The following STIM2 variants were observed in gnomAD, a reference collection of about 807,000 sequenced individuals.
STIM2 encodes stromal interaction molecule 2.
In STIM2, 31 loss-of-function variants were observed where a neutral mutation model predicts 85.8. The observed-to-expected ratio is 0.36, with a 90% CI of 0.27 to 0.49. The LOEUF (loss-of-function observed/expected upper bound fraction) is 0.49, where lower values mean the gene tolerates loss of function less well. Among genes scored for constraint, STIM2 ranks in the 20% least tolerant of loss-of-function variants. STIM2 has a pLI of 0.98. For synonymous variants in STIM2, 356 were observed against 331.1 expected (o/e 1.08, Z -0.82); for missense variants, 841 against 927.6 (o/e 0.91, Z 1.21).
intron 1 of STIM2, among the ~76,000 whole-genome samples, chr4:26,919,014 C>T (rs1351728884): frequency 6.6e-6 from 1 of 152,028 alleles, no homozygotes; most frequent in Non-Finnish European, 1.5e-5. Flanking sequence ...ACAAAAGGGT[C>T]ATGTGACTAT....
chr4:26,947,867 A>G (rs969294719), intron 2 of STIM2, among the ~76,000 whole-genome samples: 4 of 152,232 alleles, frequency 2.6e-5, no homozygotes, highest in African/African-American at 4.8e-5. Context: ...CAAAAGCCTT[A>G]TAATCGTATG....
intron 1 of STIM2, among the ~76,000 whole-genome samples, chr4:26,894,884 C>T (rs1342632260): frequency 1.3e-5 from 2 of 152,172 alleles, no homozygotes; most frequent in Non-Finnish European, 2.9e-5. Flanking sequence ...AGTTGACATA[C>T]TTATAACATT....
rs936610329 is a variant in STIM2 at position 26,903,057 on chromosome 4, A to G, written c.152-16447A>G. Among the ~76,000 whole-genome samples the G allele has an allele frequency of 2.6e-5, 4 of 152,098 alleles. No individual in the cohort carries two copies. The East Asian group carries it at 7.7e-4, about 29-fold the overall frequency. ...TTTTCCTGCTCGGTGACATCTCTGT[A>G]TTATGGAGTCTGCATACTGTAGTGG... On this transcript the variant is annotated intron_variant, in intron 1 of 11. Coordinates refer to ENST00000467087, the MANE Select transcript of STIM2 (RefSeq NM_020860.4).
Position 26,982,845 on chromosome 4 carries a change from T to C in STIM2, c.398-12534T>C, listed in dbSNP as rs1252088690. 2.0e-5 allele frequency among the ~76,000 whole-genome samples: 3 copies of C among 152,224 alleles called. No individual in the cohort carries two copies. The East Asian group carries it at 5.8e-4, about 29-fold the overall frequency. On this transcript the variant is annotated intron_variant, in intron 3 of 11. Coordinates refer to ENST00000467087, the MANE Select transcript of STIM2 (RefSeq NM_020860.4). ...AAACTCCAATTTCAGTCCAACACTT[T>C]GGGTTAATTCTAGCTTAACTCCTTT...
intron 1 of STIM2, among the ~76,000 whole-genome samples, chr4:26,893,749 C>T (rs1056479651): frequency 2.8e-5 from 4 of 141,498 alleles, no homozygotes; most frequent in South Asian, 2.3e-4. Flanking sequence ...CCCAGTGTCA[C>T]GAACATTGGT....
intron 1 of STIM2, chr4:26,873,928 C>G: frequency 7.4e-7 from 1 of 1,353,532 alleles, no homozygotes; most frequent in Non-Finnish European, 1.0e-6. Context: ...CGCCTCCAGA[C>G]AGCTGGGTGC....
rs1728996107 is a variant in STIM2, at chr4:27,023,809, CTTGA to C, written c.*818_*821del. The C allele has an allele frequency of 6.6e-6, 1 of 152,590 alleles. No individual in the cohort carries two copies. Among genetic ancestry groups the C allele is most frequent in the Non-Finnish European group, 1.5e-5 (1 of 68,044 alleles). 9.5% of individuals were successfully genotyped at this position (152,590 alleles called of 1,614,324 possible). A position where few individuals can be genotyped will look rare whatever the true frequency, so the allele number is the denominator to read the frequency against. The stretch of plus-strand genomic sequence containing the variant: ...CCTTATGCAAGTGGAAGAGTTGAAA[CTTGA>C]TTGAAGGACTTAAAACATTCACAAC... On this transcript the variant is annotated 3_prime_UTR_variant, in exon 12 of 12. Transcript: ENST00000467087.
chr4:27,008,556 G>T, intron 9 of STIM2, 28 bp downstream of exon 9: 2 of 1,490,324 alleles, frequency 1.3e-6, no homozygotes, highest in South Asian at 2.5e-5. Flanking sequence ...ACTTTTATTT[G>T]ATTTATGTTT....
chr4:26,911,800 C>G (rs1724351464), intron 1 of STIM2, among the ~76,000 whole-genome samples: 1 of 152,124 alleles, frequency 6.6e-6, no homozygotes, highest in East Asian at 1.9e-4. Context: ...GGCTGAAACT[C>G]ATTTTTCTCT....
At chr4:26,929,433 A>C (rs544079045) in intron 2 of STIM2, among the ~76,000 whole-genome samples, 1 of 152,240 alleles carries the variant, frequency 6.6e-6, no homozygotes, top group South Asian at 2.1e-4. Context: ...ATGGACCTTT[A>C]CTGGCCTTCA....
In STIM2 at chr4:27,019,580, G is replaced by T; in HGVS notation, c.1763+1596G>T. On this transcript the variant is annotated intron_variant, in intron 11 of 11. Coordinates refer to ENST00000467087, the MANE Select transcript of STIM2 (RefSeq NM_020860.4). ...TCATAGCTAGCTCTCATAAATAAGA[G>T]AATGATTTGAATTTGGAAAACTTTT... 6.1e-6 allele frequency: 6 copies of T among 981,134 alleles called. No homozygotes were observed. The South Asian group carries it at 8.4e-5, about 14-fold the overall frequency. 60.8% of individuals were successfully genotyped at this position (981,134 alleles called of 1,614,324 possible).
chr4:26,878,151 A>G (rs889225761), intron 1 of STIM2, among the ~76,000 whole-genome samples: 6 of 152,202 alleles, frequency 3.9e-5, no homozygotes, highest in African/African-American at 1.4e-4. Flanking sequence ...ATCCTGTTCT[A>G]TAGTGGATTC....
intron 11 of STIM2, among the ~76,000 whole-genome samples, chr4:27,018,438 T>G (rs1328510745): frequency 6.6e-6 from 1 of 152,222 alleles, no homozygotes; most frequent in Non-Finnish European, 1.5e-5. Flanking sequence ...CTGCTGTAGA[T>G]TCCTCCTTTG....
chr4:26,973,809 T>G (rs1727072122), intron 3 of STIM2, among the ~76,000 whole-genome samples: 1 of 152,164 alleles, frequency 6.6e-6, no homozygotes, highest in Admixed American at 6.5e-5. Context: ...CCTTCTGTCT[T>G]GTTGATCTGT....
chr4:26,894,918 A>G (rs1723641383), intron 1 of STIM2, among the ~76,000 whole-genome samples: 1 of 152,216 alleles, frequency 6.6e-6, no homozygotes, highest in African/African-American at 2.4e-5. Flanking sequence ...TAAAAATTTG[A>G]TAATTATTTC....
At chr4:26,913,209 C>T (rs1334136535) in intron 1 of STIM2, among the ~76,000 whole-genome samples, 1 of 151,978 alleles carries the variant, frequency 6.6e-6, no homozygotes, top group Non-Finnish European at 1.5e-5. Flanking sequence ...AAAAGTCAGG[C>T]AAAGTATGTA....
At chr4:27,009,140 T>C (rs1372441973) in intron 10 of STIM2, 138 bp downstream of exon 10, 4 of 655,326 alleles carry the variant, frequency 6.1e-6, no homozygotes, top group African/African-American at 5.5e-5. Context: ...TTTTTGTTAG[T>C]AATTTAAATA....
At chr4:26,946,264 C>G (rs1389705594) in intron 2 of STIM2, among the ~76,000 whole-genome samples, 1 of 152,116 alleles carries the variant, frequency 6.6e-6, no homozygotes, top group Non-Finnish European at 1.5e-5. Context: ...GACCTTTCAC[C>G]TTATATCAAA....
intron 1 of STIM2, among the ~76,000 whole-genome samples, chr4:26,867,846 G>T (rs1452662907): frequency 6.6e-6 from 1 of 152,182 alleles, no homozygotes; most frequent in Admixed American, 6.5e-5. Context: ...TTTTAAGGGT[G>T]GTTCCCTCTT....
Sources: allele counts gnomAD v4.1 joint callset (sites outside exome capture counted in the v4.1 genomes callset), GRCh38; gene constraint gnomAD v4.1.1; transcripts MANE v1.5; gene names NCBI Gene and HGNC (gene_info 2026-07-23, HGNC 2026-07-21).